Variants in FAAP20 observed in about 807,000 individuals in gnomAD.
The protein encoded by FAAP20 is Fanconi anemia core complex-associated protein 20.
FAAP20 carries 12 observed loss-of-function variants against 16.2 expected under a neutral mutation model. The ratio of observed to expected loss-of-function variants is 0.74; its 90% CI spans 0.48 to 1.20. FAAP20 has a LOEUF of 1.20. Among genes scored for constraint, FAAP20 ranks in the 50% most tolerant of loss-of-function variants. The pLI is 0.00. For missense variants in FAAP20, 288 were observed against 245.8 expected (o/e 1.17, Z -1.15); for synonymous variants, 141 against 110.7 (o/e 1.27, Z -1.72).
At chr1:2,190,433 T>TG (rs1557776664) in intron 3 of FAAP20, 1 of 444,786 alleles carries the variant, frequency 2.2e-6, no homozygotes, top group Non-Finnish European at 4.6e-6. Flanking sequence ...GTCAGCGCCC[T>TG]GGGCATCCAG....
downstream of FAAP20, chr1:2,184,656 C>A: frequency 3.1e-6 from 5 of 1,614,030 alleles, no homozygotes; most frequent in Non-Finnish European, 3.4e-6. Flanking sequence ...AACTTTGACA[C>A]ACAGTTCACC....
At chr1:2,210,807 G>C (rs1225686237), downstream of FAAP20, among the ~76,000 whole-genome samples, 4 of 152,228 alleles carry the variant, frequency 2.6e-5, no homozygotes, top group African/African-American at 9.6e-5. Flanking sequence ...TCCAGCCCCA[G>C]GTGTCCCCAT....
At chr1:2,184,780 C>G, downstream of FAAP20, 1 of 1,457,274 alleles carries the variant, frequency 6.9e-7, no homozygotes, top group Non-Finnish European at 9.4e-7. Context: ...GCTGGTGACC[C>G]AGCCTGCCCT....
upstream of FAAP20, chr1:2,203,634 A>G: frequency 1.0e-6 from 1 of 985,976 alleles, no homozygotes; most frequent in Non-Finnish European, 1.2e-6. Flanking sequence ...CTGGGGCCTG[A>G]GCGGAGGGAA....
chr1:2,192,450 C>T (rs1007015402), intron 3 of FAAP20: 1 of 996,378 alleles, frequency 1.0e-6, no homozygotes, highest in Non-Finnish European at 1.2e-6. Flanking sequence ...GCAAGTTTTT[C>T]CTCGTGAACG....
chr1:2,206,203 A>C (rs1689254438), intron 3 of FAAP20: 1 of 152,356 alleles, frequency 6.6e-6, no homozygotes, highest in Non-Finnish European at 1.5e-5. Flanking sequence ...AAGGAGGAAG[A>C]GAGGCTACAG....
chr1:2,188,661 C>A (rs1474477748), downstream of FAAP20, among the ~76,000 whole-genome samples: 4 of 152,144 alleles, frequency 2.6e-5, no homozygotes, highest in Non-Finnish European at 5.9e-5. Context: ...GTGGCAGGAG[C>A]CTTTCCTTTT....
upstream of FAAP20, among the ~76,000 whole-genome samples, chr1:2,196,610 C>T (rs541850586): frequency 6.6e-5 from 10 of 151,680 alleles, no homozygotes; most frequent in East Asian, 1.9e-4. The surrounding 1 kb of genome is among the most constrained non-coding windows in gnomAD (Gnocchi z 4.5). Flanking sequence ...GAGGCCAAGT[C>T]GGGAGGATCA....
At chr1:2,204,702 C>T (rs1689171051), upstream of FAAP20, among the ~76,000 whole-genome samples, 1 of 152,296 alleles carries the variant, frequency 6.6e-6, no homozygotes, top group East Asian at 1.9e-4. Flanking sequence ...GGATGATGGA[C>T]TTGTGCTAAA....
chr1:2,186,497 C>CT (rs921172617), downstream of FAAP20, among the ~76,000 whole-genome samples: 1 of 56,548 alleles, frequency 1.8e-5, no homozygotes, highest in Non-Finnish European at 3.9e-5. Flanking sequence ...TGGACACCCG[C>CT]CCCCCCCCGG....
chr1:2,185,572 G>A, downstream of FAAP20: 1 of 708,052 alleles, frequency 1.4e-6, no homozygotes. Flanking sequence ...AGTTCCTGTT[G>A]TTCTTCCTGC....
At chr1:2,193,009 G>A (rs528172736) in intron 3 of FAAP20, 2 of 1,303,460 alleles carry the variant, frequency 1.5e-6, no homozygotes, top group African/African-American at 3.0e-5. Context: ...ATGACTGAAG[G>A]ACCTGGTCTC....
At chr1:2,196,720 A>G (rs1327428891), upstream of FAAP20, among the ~76,000 whole-genome samples, 1 of 152,092 alleles carries the variant, frequency 6.6e-6, no homozygotes, top group African/African-American at 2.4e-5. This position sits in a 1 kb window ranked among gnomAD's most constrained non-coding sequence, Gnocchi z 4.5. Flanking sequence ...CACACCTTTA[A>G]TCCCAACTAC....
rs778401241 is a variant in FAAP20, at chr1:2,189,750, C to T, written c.502G>A (p.Ala168Thr). Residue 168 changes from alanine to threonine, a missense_variant, in exon 4 of 4, where the codon GCC (alanine) becomes ACC (threonine). Transcript: ENST00000378546. ...TCTGTGCTTTCGGCCAAGCACTGGG[C>T]CAGGTGGCTGTCAACATCCAGCTGG... ...LTQLDVDSHL[A>T]QCLAESTEDV... 2.5e-6 allele frequency: 4 copies of T among 1,612,400 alleles called. No homozygotes were observed. Among genetic ancestry groups the T allele is most frequent in the Non-Finnish European group, 3.4e-6 (4 of 1,179,568 alleles).
At chr1:2,187,280 AT>A, downstream of FAAP20, 1 of 380,602 alleles carries the variant, frequency 2.6e-6, no homozygotes, top group Non-Finnish European at 5.3e-6. Context: ...TTCTGAAGCC[AT>A]TTTCTTTTTT....
upstream of FAAP20, chr1:2,199,286 T>C: frequency 9.4e-7 from 1 of 1,062,368 alleles, no homozygotes; most frequent in Non-Finnish European, 1.1e-6. The surrounding 1 kb of genome is among the most constrained non-coding windows in gnomAD (Gnocchi z 4.5). Flanking sequence ...CTGTCCTCCA[T>C]CCCCACGTGT....
chr1:2,194,504 G>C (rs1419214315), intron 1 of FAAP20, among the ~76,000 whole-genome samples, 184 bp downstream of exon 1: 1 of 143,600 alleles, frequency 7.0e-6, no homozygotes, highest in Non-Finnish European at 1.5e-5. Context: ...GAAGCTCGGC[G>C]TGGGGTGGGG....
chr1:2,202,796 T>C (rs1329684642), upstream of FAAP20, among the ~76,000 whole-genome samples: 1 of 152,108 alleles, frequency 6.6e-6, no homozygotes. Context: ...TTATTTTTTG[T>C]AAAGATAGGG....
At chr1:2,192,892 G>T in intron 3 of FAAP20, 1 of 1,302,260 alleles carries the variant, frequency 7.7e-7, no homozygotes, top group Non-Finnish European at 1.0e-6. Context: ...GAGCCACCGT[G>T]CCCGGCCTTT....
Sources: gnomAD v4.1 joint callset for allele counts (sites outside exome capture counted in the v4.1 genomes callset) on GRCh38, gnomAD v4.1.1 for gene constraint, Gnocchi (gnomAD v3.1) non-coding constraint, MANE v1.5 for transcripts, NCBI Gene and HGNC (gene_info 2026-07-23, HGNC 2026-07-21) for gene names.